Variants in MCU observed in about 807,000 individuals in gnomAD.
The protein encoded by MCU is mitochondrial calcium uniporter, also known as calcium uniporter protein, mitochondrial.
MCU carries 12 observed loss-of-function variants against 45.2 expected under a neutral mutation model. The observed-to-expected ratio is 0.27, with a 90% CI of 0.17 to 0.43. MCU has a LOEUF of 0.43. Among genes scored for constraint, MCU ranks in the 20% least tolerant of loss-of-function variants. The pLI, the probability that MCU is intolerant of heterozygous loss-of-function variation, is 1.00. For synonymous variants in MCU, 160 were observed against 165.1 expected (o/e 0.97, Z 0.24); for missense variants, 324 against 436.7 (o/e 0.74, Z 2.30).
At chr10:72,746,561 CCTT>C (rs558659791) in intron 1 of MCU, among the ~76,000 whole-genome samples, 150 of 152,222 alleles carry the variant, frequency 9.9e-4, no homozygotes, top group Non-Finnish European at 1.6e-3. Flanking sequence ...TATTTTCAGG[CCTT>C]CTTCTGGTTC....
chr10:72,844,613 A>G (rs1266147354), intron 2 of MCU, among the ~76,000 whole-genome samples: 3 of 152,132 alleles, frequency 2.0e-5, no homozygotes, highest in Non-Finnish European at 2.9e-5. Flanking sequence ...TTTTTGCGGT[A>G]ATGTATAAGG....
chr10:72,866,321 A>G (rs760796994), intron 4 of MCU, among the ~76,000 whole-genome samples: 1 of 152,162 alleles, frequency 6.6e-6, no homozygotes, highest in African/African-American at 2.4e-5. Context: ...CCGTGTTGCA[A>G]CGCTTTAGTG....
At chr10:72,740,210 C>A (rs1423541688) in intron 1 of MCU, among the ~76,000 whole-genome samples, 1 of 151,788 alleles carries the variant, frequency 6.6e-6, no homozygotes, top group Non-Finnish European at 1.5e-5. Context: ...GAAACCTCGT[C>A]TCTGCTAAAA....
chr10:72,754,292 G>A (rs1011498363), intron 1 of MCU, among the ~76,000 whole-genome samples: 12 of 152,152 alleles, frequency 7.9e-5, no homozygotes, highest in Non-Finnish European at 1.5e-4. Context: ...CTTACCCAAA[G>A]GTCTTAAAGC....
chr10:72,881,145 A>G (rs1845695225), intron 6 of MCU, among the ~76,000 whole-genome samples: 1 of 152,144 alleles, frequency 6.6e-6, no homozygotes, highest in African/African-American at 2.4e-5. Flanking sequence ...AACAAAAAAG[A>G]TGGCCCTACA....
intron 1 of MCU, among the ~76,000 whole-genome samples, chr10:72,832,802 G>T (rs1158856040): frequency 6.6e-6 from 1 of 152,116 alleles, no homozygotes; most frequent in Non-Finnish European, 1.5e-5. Context: ...AGAAACCAAG[G>T]CACAAAGAAG....
Position 72,822,221 on chromosome 10 carries a change from G to A in MCU, c.151-12138G>A, listed in dbSNP as rs147410116. Among the ~76,000 whole-genome samples the A allele has an allele frequency of 4.6e-3, 703 of 152,208 alleles. 5 individuals carry two copies. The highest frequency in any genetic ancestry group is 0.016 in the African/African-American group (655 of 41,520). On this transcript the variant is annotated intron_variant, in intron 1 of 7. Coordinates refer to ENST00000373053, the MANE Select transcript of MCU (RefSeq NM_138357.3). ...TGGGAGGTAGAGGTTACAGTGAGCC[G>A]AGATCGCACCACTGCACTCCAGCAT...
chr10:72,821,372 GATTT>G (rs1844709826), intron 1 of MCU, among the ~76,000 whole-genome samples: 1 of 152,074 alleles, frequency 6.6e-6, no homozygotes, highest in Non-Finnish European at 1.5e-5. Flanking sequence ...TAAATAGTAT[GATTT>G]ATTTGTGAGA....
chr10:72,790,916 G>A lies in MCU; in HGVS notation c.151-43443G>A, dbSNP rs929313977. Among the ~76,000 whole-genome samples, 58 of 152,284 alleles carry A rather than the reference G, an allele frequency of 3.8e-4. 2 individuals carry two copies. Among genetic ancestry groups the A allele is most frequent in the Admixed American group, 2.6e-3 (40 of 15,296 alleles). The stretch of plus-strand genomic sequence containing the variant: ...GAAACAAGGAAACATATTGTGGTCT[G>A]ACAAAGATAGATCAGGTATTTTGGA... On this transcript the variant is annotated intron_variant, in intron 1 of 7. Transcript: ENST00000373053.
intron 1 of MCU, among the ~76,000 whole-genome samples, chr10:72,762,796 A>T (rs941788541): frequency 2.0e-5 from 3 of 152,010 alleles, no homozygotes; most frequent in African/African-American, 2.4e-5. Context: ...ATGTCATAAA[A>T]CTGTTCCCCA....
chr10:72,806,535 G>A (rs1370790325), intron 1 of MCU, among the ~76,000 whole-genome samples: 1 of 152,208 alleles, frequency 6.6e-6, no homozygotes, highest in African/African-American at 2.4e-5. Context: ...TTATTTGAGG[G>A]AATATGTCTC....
chr10:72,795,220 T>G (rs76957133), intron 1 of MCU, among the ~76,000 whole-genome samples: 9,080 of 152,124 alleles, frequency 0.06, 898 homozygotes, highest in African/African-American at 0.21. Flanking sequence ...TTCACCACTC[T>G]AGCTTCCAAT....
chr10:72,733,393 G>A (rs1843205901), intron 1 of MCU, among the ~76,000 whole-genome samples: 1 of 152,162 alleles, frequency 6.6e-6, no homozygotes, highest in Non-Finnish European at 1.5e-5. Context: ...GGAGGCAGAG[G>A]TTGCAGTGAG....
rs115384346 is a variant in MCU at position 72,722,072 on chromosome 10, A to G, written c.150+29771A>G. On this transcript the variant is annotated intron_variant, in intron 1 of 7. Transcript: ENST00000373053. ...AAGATCTGTGCTAAGTTATGAAACA[A>G]TGGAATTTATACACTTTATTTGAAG... 5.6e-3 allele frequency among the ~76,000 whole-genome samples: 855 copies of G among 152,278 alleles called. 7 individuals are homozygous for G. Among genetic ancestry groups the G allele is most frequent in the African/African-American group, 0.019 (800 of 41,562 alleles).
chr10:72,751,341 C>CTTCTTCTTTTTT (rs1474252109), intron 1 of MCU, among the ~76,000 whole-genome samples: 1 of 44,742 alleles, frequency 2.2e-5, no homozygotes, highest in African/African-American at 8.4e-5. Flanking sequence ...TCTTCTTCTT[C>CTTCTTCTTTTTT]TTTTTTTTTT....
At chr10:72,709,053 G>A (rs1331533320) in intron 1 of MCU, among the ~76,000 whole-genome samples, 1 of 152,056 alleles carries the variant, frequency 6.6e-6, no homozygotes, top group African/African-American at 2.4e-5. Flanking sequence ...GCATCTACCT[G>A]GCATGATTGG....
chr10:72,700,696 G>T (rs940506320), intron 1 of MCU, among the ~76,000 whole-genome samples: 3 of 152,156 alleles, frequency 2.0e-5, no homozygotes, highest in African/African-American at 7.2e-5. Flanking sequence ...TTTTTCTAAT[G>T]CAGTTCTGGA....
chr10:72,810,461 C>CTTTTTTTTTTTTTTTTTT (rs751918414), intron 1 of MCU, among the ~76,000 whole-genome samples: 1 of 73,408 alleles, frequency 1.4e-5, no homozygotes, highest in Non-Finnish European at 2.6e-5. Flanking sequence ...ATTATGTTGC[C>CTTTTTTTTTTTTTTTTTT]TTTTTTTTTT....
At chr10:72,864,505 C>T (rs1845424271) in intron 4 of MCU, among the ~76,000 whole-genome samples, 1 of 152,146 alleles carries the variant, frequency 6.6e-6, no homozygotes. Flanking sequence ...AAATACAGTA[C>T]AGCACTATAA....
Sources: allele counts gnomAD v4.1 joint callset (sites outside exome capture counted in the v4.1 genomes callset), GRCh38; gene constraint gnomAD v4.1.1; transcripts MANE v1.5; gene names NCBI Gene and HGNC (gene_info 2026-07-23, HGNC 2026-07-21).